The following SLC26A2 variants were observed in gnomAD, a reference collection of about 807,000 sequenced individuals.
SLC26A2 encodes the protein solute carrier family 26 member 2.
A neutral mutation model predicts 41.1 loss-of-function variants in SLC26A2; 36 were observed. That is an observed-to-expected ratio of 0.88 (90% CI 0.67 to 1.16). The LOEUF (loss-of-function observed/expected upper bound fraction) is 1.16, where lower values mean the gene tolerates loss of function less well. Ranked by LOEUF, SLC26A2 falls within the 50% of genes most tolerant of loss-of-function variation. The probability of loss-of-function intolerance (pLI) is 0.00; values close to 1 mark genes in which losing one functional copy is unlikely to be tolerated. For missense variants in SLC26A2, 796 were observed against 869.6 expected (o/e 0.92, Z 1.07); for synonymous variants, 291 against 311.6 (o/e 0.93, Z 0.70).
rs1302123275 is a variant in SLC26A2 at position 149,977,622 on chromosome 5, G to A, written c.-25-6G>A. On this transcript the variant is annotated splice_polypyrimidine_tract_variant and splice_region_variant and intron_variant, in intron 1 of 2. Transcript: ENST00000286298. Reference sequence around the variant, plus strand: ...TTGATGAACACTGGTATTTTCTCTGGTGTAGGAAGCTGAACCATCTATCTC... The same window carrying A: ...TTGATGAACACTGGTATTTTCTCTGATGTAGGAAGCTGAACCATCTATCTC... 7.2e-7 allele frequency: 1 copy of A among 1,392,674 alleles called. No individual in the cohort carries two copies. The highest frequency in any genetic ancestry group is 2.3e-5 in the East Asian group (1 of 43,774). The allele number at this position is 1,392,674 out of a possible 1,614,324, so 86.3% of individuals were successfully genotyped here.
At chr5:149,964,556 T>A (rs1341460425) in intron 1 of SLC26A2, among the ~76,000 whole-genome samples, 1 of 151,968 alleles carries the variant, frequency 6.6e-6, no homozygotes, top group Middle Eastern at 3.2e-3. Context: ...GGCGGGCGGA[T>A]CACGAGGTCA....
Position 149,980,596 on chromosome 5 carries a change from A to T in SLC26A2, c.1003A>T (p.Ile335Phe), listed in dbSNP as rs765407252. 6.2e-7 allele frequency: 1 copy of T among 1,614,146 alleles called. No homozygotes were observed. The highest frequency in any genetic ancestry group is 1.1e-5 in the South Asian group (1 of 91,080). The change falls in exon 3 of 3, where the codon ATT becomes TTT. Residue 335 changes from isoleucine to phenylalanine, a missense_variant. Physicochemically the swap from Ile to Phe is conservative, Grantham distance 21 (BLOSUM62 0). Transcript: ENST00000286298. ...FKSKLKAPIP[I>F]ELVVVVAATL... ...ATCCAAGCTTAAGGCACCGATTCCT[A>T]TTGAACTTGTTGTTGTTGTAGCAGC... is the stretch of plus-strand genomic sequence containing the variant.
chr5:149,978,859 A>G (rs962535164), intron 2 of SLC26A2, among the ~76,000 whole-genome samples: 1 of 151,114 alleles, frequency 6.6e-6, no homozygotes, highest in Admixed American at 6.6e-5. Flanking sequence ...GGCTAATTTT[A>G]TTTTATTTTA....
chr5:149,961,669 C>T (rs555466352), intron 1 of SLC26A2, among the ~76,000 whole-genome samples: 1 of 152,276 alleles, frequency 6.6e-6, no homozygotes, highest in East Asian at 1.9e-4. Context: ...ACTTAAATTG[C>T]CTTCCGGCGC....
rs1003889616 is a variant in SLC26A2 at position 149,982,782 on chromosome 5, G to C, written c.*969G>C. 1 of 152,122 alleles carries C rather than the reference G, an allele frequency of 6.6e-6. No individual in the cohort carries two copies. Among genetic ancestry groups the C allele is most frequent in the Non-Finnish European group, 1.5e-5 (1 of 68,036 alleles). The allele number at this position is 152,122 out of a possible 1,614,324, so 9.4% of individuals were successfully genotyped here. ...ACAATGACAGCTTTTAACTCTTCAA[G>C]TCACCTAAAGCTATTATGCAGGAGG... is the stretch of plus-strand genomic sequence containing the variant. On this transcript the variant is annotated 3_prime_UTR_variant, in exon 3 of 3. Coordinates refer to ENST00000286298, the MANE Select transcript of SLC26A2 (RefSeq NM_000112.4).
In SLC26A2 at chr5:149,973,370, ACTTT is replaced by A. The variant is rs544086114; in HGVS notation, c.-25-4253_-25-4250del. Among the ~76,000 whole-genome samples the A allele has an allele frequency of 9.9e-5, 15 of 151,992 alleles. No homozygotes were observed. In the East Asian group the frequency reaches 2.9e-3, roughly 29 times the overall value. The stretch of plus-strand genomic sequence containing the variant: ...TATCTTCATTTGTTCCATTTCCTGG[ACTTT>A]CTTTGTTATGTAGAACTGAATTTCT... On this transcript the variant is annotated intron_variant, in intron 1 of 2. Transcript: ENST00000286298.
chr5:149,981,211 T>C lies in SLC26A2; in HGVS notation c.1618T>C (p.Phe540Leu). The C allele has an allele frequency of 6.2e-7, 1 of 1,614,146 alleles. No individual in the cohort carries two copies. Among genetic ancestry groups the C allele is most frequent in the Non-Finnish European group, 8.5e-7 (1 of 1,180,002 alleles). The change falls in exon 3 of 3, where the codon TTT (phenylalanine) becomes CTT (leucine). Residue 540 changes from phenylalanine (F) to leucine (L), a missense_variant. Transcript: ENST00000286298. ...GLLVGVCFSIFCVILRTQKPK... is the reference protein window; with the variant it reads ...GLLVGVCFSILCVILRTQKPK... Reference sequence around the variant, plus strand: ...ACTTGTTGGGGTTTGTTTTTCTATATTTTGTGTCATCCTCCGCACTCAGAA... The same window carrying C: ...ACTTGTTGGGGTTTGTTTTTCTATACTTTGTGTCATCCTCCGCACTCAGAA...
At chr5:149,970,372 A>G (rs1221552278) in intron 1 of SLC26A2, among the ~76,000 whole-genome samples, 1 of 152,122 alleles carries the variant, frequency 6.6e-6, no homozygotes. Flanking sequence ...TTAGCCAGGT[A>G]TCGTGGTGTG....
At position 149,981,593 on chromosome 5, in the gene SLC26A2, T is replaced by C; in HGVS notation, c.2000T>C (p.Leu667Pro). The change falls in exon 3 of 3, where the codon CTG becomes CCG. Residue 667 changes from leucine to proline, a missense_variant. By Grantham distance (98) the Leu-to-Pro change is moderately conservative. Coordinates refer to ENST00000286298, the MANE Select transcript of SLC26A2 (RefSeq NM_000112.4). The stretch of plus-strand genomic sequence containing the variant: ...TTAGATACAGCAGGGATCCACACAC[T>C]GAAAGAAGTTCGCAGAGATTATGAA... ...QFLDTAGIHT[L>P]KEVRRDYEAI... The C allele has an allele frequency of 6.2e-7, 1 of 1,614,064 alleles. No individual in the cohort carries two copies. The highest frequency in any genetic ancestry group is 8.5e-7 in the Non-Finnish European group (1 of 1,179,982).
In SLC26A2 at chr5:149,981,804, T is replaced by C; in HGVS notation, c.2211T>C (p.Ser737=). The C allele has an allele frequency of 6.2e-7, 1 of 1,608,822 alleles. No individual in the cohort carries two copies. Among genetic ancestry groups the C allele is most frequent in the Non-Finnish European group, 8.5e-7 (1 of 1,176,094 alleles). ...GVCVPNGLSL[S]SD ...GTGTTCCCAATGGTCTGAGTCTTAG[T>C]AGTGATTAATTGAGAAGGTAGATAG... Residue 737 remains serine (S), a synonymous_variant, in exon 3 of 3, where the codon AGT becomes AGC. Transcript: ENST00000286298.
intron 1 of SLC26A2, among the ~76,000 whole-genome samples, chr5:149,965,969 A>G (rs929932662): frequency 5.9e-5 from 9 of 152,284 alleles, no homozygotes; most frequent in East Asian, 1.9e-4. Flanking sequence ...CAGTGGCGCA[A>G]TCTCAACTCA....
At chr5:149,964,172 A>T (rs77120488) in intron 1 of SLC26A2, among the ~76,000 whole-genome samples, 1,830 of 152,216 alleles carry the variant, frequency 0.012, 46 homozygotes, top group African/African-American at 0.042. Context: ...GCTTCTTTTG[A>T]AGAAGAGGCA....
At position 149,981,579 on chromosome 5, in the gene SLC26A2, A is replaced by C; in HGVS notation, c.1986A>C (p.Ala662=). ...DCSAIQFLDT[A]GIHTLKEVRR... ...GTGCAATTCAATTTTTAGATACAGC[A>C]GGGATCCACACACTGAAAGAAGTTC... Residue 662 remains alanine, a synonymous_variant, in exon 3 of 3, where the codon GCA becomes GCC. Coordinates refer to ENST00000286298, the MANE Select transcript of SLC26A2 (RefSeq NM_000112.4). 1.2e-6 allele frequency: 2 copies of C among 1,614,108 alleles called. No homozygotes were observed. Among genetic ancestry groups the C allele is most frequent in the Non-Finnish European group, 1.7e-6 (2 of 1,179,978 alleles).
At chr5:149,975,275 C>T (rs1394991024) in intron 1 of SLC26A2, among the ~76,000 whole-genome samples, 1 of 152,148 alleles carries the variant, frequency 6.6e-6, no homozygotes, top group African/African-American at 2.4e-5. Context: ...AGGCATTCAT[C>T]ATCTCTGTTA....
chr5:149,980,908 G>A lies in SLC26A2; in HGVS notation c.1315G>A (p.Ala439Thr), dbSNP rs1755086683. The A allele has an allele frequency of 1.2e-6, 2 of 1,613,996 alleles. No individual in the cohort carries two copies. The highest frequency in any genetic ancestry group is 1.7e-5 in the Admixed American group (1 of 59,990). ...SFFHCFTTSA[A>T]LAKTLVKEST... is the part of the protein sequence containing the mutation. ...CTTCCACTGTTTTACTACTAGTGCA[G>A]CTCTTGCAAAGACATTGGTTAAAGA... Residue 439 changes from alanine to threonine, a missense_variant, in exon 3 of 3, where the codon GCT becomes ACT. By Grantham distance (58) the Ala-to-Thr change is moderately conservative (BLOSUM62 0). Coordinates refer to ENST00000286298, the MANE Select transcript of SLC26A2 (RefSeq NM_000112.4).
chr5:149,968,577 AT>A (rs34927001), intron 1 of SLC26A2, among the ~76,000 whole-genome samples: 210 of 136,264 alleles, frequency 1.5e-3, no homozygotes, highest in Non-Finnish European at 1.5e-3. Context: ...TGCCTGGCTA[AT>A]TTTTTTTTTT....
At chr5:149,969,037 C>T (rs193106936) in intron 1 of SLC26A2, among the ~76,000 whole-genome samples, 4 of 152,284 alleles carry the variant, frequency 2.6e-5, no homozygotes, top group African/African-American at 4.8e-5. Flanking sequence ...CCACTGTGCC[C>T]GGCCTCAAAT....
rs759375493 is a variant in SLC26A2, at chr5:149,978,129, C to T, written c.477C>T (p.His159=). Residue 159 remains histidine (H), a synonymous_variant, in exon 2 of 3, where the codon CAC becomes CAT. Transcript: ENST00000286298. ...IIYFLLGTSR[H]ISVGIFGVLC... Reference sequence around the variant, plus strand: ...ATTTTCTCTTGGGTACCTCCCGTCACATCTCTGTGGGCATTTTTGGAGTAC... The same window carrying T: ...ATTTTCTCTTGGGTACCTCCCGTCATATCTCTGTGGGCATTTTTGGAGTAC... 7 of 1,606,086 alleles carry T rather than the reference C, an allele frequency of 4.4e-6. No homozygotes were observed. The highest frequency in any genetic ancestry group is 2.2e-5 in the South Asian group (2 of 90,216).
intron 2 of SLC26A2, among the ~76,000 whole-genome samples, chr5:149,979,670 T>C (rs1755058465): frequency 6.6e-6 from 1 of 152,132 alleles, no homozygotes; most frequent in South Asian, 2.1e-4. Flanking sequence ...TGGGAGACAG[T>C]GTGGCATAAG....
Sources: allele counts gnomAD v4.1 joint callset (sites outside exome capture counted in the v4.1 genomes callset), GRCh38; gene constraint gnomAD v4.1.1; transcripts MANE v1.5; gene names NCBI Gene and HGNC (gene_info 2026-07-23, HGNC 2026-07-21).